TOM1L2: variants seen among roughly 807,000 people sequenced by gnomAD.
The protein encoded by TOM1L2 is TOM1-like protein 2.
TOM1L2 carries 31 observed loss-of-function variants against 67.9 expected under a neutral mutation model. The observed-to-expected ratio is 0.46, with a 90% CI of 0.34 to 0.62. TOM1L2 has a LOEUF of 0.62. TOM1L2 is among the 20% of genes least tolerant of loss of function. The probability of loss-of-function intolerance (pLI) is 0.01; values close to 1 mark genes in which losing one functional copy is unlikely to be tolerated. For synonymous variants in TOM1L2, 256 were observed against 254.0 expected (o/e 1.01, Z -0.07); for missense variants, 606 against 663.5 (o/e 0.91, Z 0.95).
At chr17:17,854,338 C>T (rs1454595352) in intron 12 of TOM1L2, among the ~76,000 whole-genome samples, 3 of 152,120 alleles carry the variant, frequency 2.0e-5, no homozygotes, top group African/African-American at 7.2e-5. Flanking sequence ...GCAGGGGGCA[C>T]TGCGCTGAGT....
At chr17:17,902,479 G>A (rs1326571329) in intron 2 of TOM1L2, among the ~76,000 whole-genome samples, 1 of 152,256 alleles carries the variant, frequency 6.6e-6, no homozygotes, top group Non-Finnish European at 1.5e-5. Flanking sequence ...GCCCTTCCAA[G>A]CTGTGCTGCA....
intron 1 of TOM1L2, among the ~76,000 whole-genome samples, chr17:17,913,929 G>T (rs536019480): frequency 6.6e-6 from 1 of 152,266 alleles, no homozygotes; most frequent in East Asian, 1.9e-4. Flanking sequence ...TCTTCTCCAT[G>T]AGAGTCTGTG....
At chr17:17,964,304 C>T (rs1396292622) in intron 1 of TOM1L2, among the ~76,000 whole-genome samples, 1 of 152,200 alleles carries the variant, frequency 6.6e-6, no homozygotes, top group Non-Finnish European at 1.5e-5. Context: ...AGGTCAAGAG[C>T]AACAACCCCT....
intron 1 of TOM1L2, among the ~76,000 whole-genome samples, chr17:17,943,047 C>T (rs1048464658): frequency 6.6e-6 from 1 of 152,086 alleles, no homozygotes; most frequent in African/African-American, 2.4e-5. Flanking sequence ...TTAGATGAAA[C>T]AAGATTGGAT....
chr17:17,884,854 G>A (rs1304447990), intron 4 of TOM1L2, 86 bp from the exon 5 acceptor site: 11 of 1,558,198 alleles, frequency 7.1e-6, no homozygotes, highest in Admixed American at 5.1e-5. Context: ...TCCTCTCCCC[G>A]AGACCAGTGC....
intron 1 of TOM1L2, among the ~76,000 whole-genome samples, chr17:17,958,561 C>G (rs1022520257): frequency 1.3e-5 from 2 of 152,172 alleles, no homozygotes; most frequent in African/African-American, 4.8e-5. Flanking sequence ...CTTACCCTCC[C>G]TGCCCATATA....
At chr17:17,929,882 A>T (rs1177764109) in intron 1 of TOM1L2, among the ~76,000 whole-genome samples, 1 of 152,184 alleles carries the variant, frequency 6.6e-6, no homozygotes, top group Admixed American at 6.5e-5. Context: ...CACTTAGACA[A>T]GTTAAACACA....
rs907763814 is a variant in TOM1L2 at position 17,965,624 on chromosome 17, GA to G, written c.52+6637del. 4.8e-4 allele frequency among the ~76,000 whole-genome samples: 73 copies of G among 152,176 alleles called. 2 individuals are homozygous for G. The highest frequency in any genetic ancestry group is 1.2e-4 in the Non-Finnish European group (8 of 68,026). On this transcript the variant is annotated intron_variant, in intron 1 of 14. Coordinates refer to ENST00000379504, the MANE Select transcript of TOM1L2 (RefSeq NM_001082968.2). ...CTCTGGAGCCAGAATGCTGCATTCA[GA>G]CTATAGCTCCCTCACTGCTAGCTGT...
chr17:17,915,762 TC>T (rs1463000289), intron 1 of TOM1L2, among the ~76,000 whole-genome samples: 3 of 151,948 alleles, frequency 2.0e-5, no homozygotes, highest in Non-Finnish European at 4.4e-5. Flanking sequence ...CCTCAAGTGA[TC>T]CTCTTGCCTT....
intron 1 of TOM1L2, among the ~76,000 whole-genome samples, chr17:17,918,723 C>T (rs2039733667): frequency 6.6e-6 from 1 of 152,190 alleles, no homozygotes; most frequent in Non-Finnish European, 1.5e-5. Flanking sequence ...GCTCCAGCAC[C>T]TGATAGTACA....
intron 1 of TOM1L2, among the ~76,000 whole-genome samples, chr17:17,915,009 C>CT (rs1381464664): frequency 6.6e-6 from 1 of 151,936 alleles, no homozygotes; most frequent in Non-Finnish European, 1.5e-5. Context: ...TAAAGTATAG[C>CT]TTTTGTTTGG....
intron 1 of TOM1L2, among the ~76,000 whole-genome samples, chr17:17,954,247 A>C (rs915924986): frequency 6.6e-6 from 1 of 152,110 alleles, no homozygotes; most frequent in Non-Finnish European, 1.5e-5. Context: ...CCTTGGTAAG[A>C]GAAAAGACGG....
chr17:17,873,610 C>T (rs766120755), intron 7 of TOM1L2, among the ~76,000 whole-genome samples: 10 of 152,194 alleles, frequency 6.6e-5, no homozygotes, highest in Admixed American at 1.3e-4. Flanking sequence ...CCAGCACCGG[C>T]GGCCTGATGG....
chr17:17,943,693 C>T (rs1465387601), intron 1 of TOM1L2, among the ~76,000 whole-genome samples: 4 of 152,160 alleles, frequency 2.6e-5, no homozygotes, highest in African/African-American at 9.7e-5. Flanking sequence ...CTGCACCAAA[C>T]AGAAAATCTG....
At chr17:17,971,084 G>A (rs116701289) in intron 1 of TOM1L2, among the ~76,000 whole-genome samples, 1 of 152,078 alleles carries the variant, frequency 6.6e-6, no homozygotes, top group African/African-American at 2.4e-5. Context: ...GGTGTCCCCA[G>A]GTGTCCACAT....
At chr17:17,958,046 T>C (rs4616340) in intron 1 of TOM1L2, among the ~76,000 whole-genome samples, 74,681 of 150,266 alleles carry the variant, frequency 0.5, 19,619 homozygotes, top group East Asian at 0.86. Context: ...GTCGAGATTG[T>C]GCCACTGCAC....
chr17:17,877,613 C>A (rs558316291), intron 7 of TOM1L2, among the ~76,000 whole-genome samples: 20 of 152,224 alleles, frequency 1.3e-4, no homozygotes, highest in African/African-American at 4.8e-4. Flanking sequence ...GTGCAGCCAA[C>A]CAGCCAGGAC....
intron 1 of TOM1L2, among the ~76,000 whole-genome samples, chr17:17,967,563 C>T (rs1478474501): frequency 1.3e-5 from 2 of 152,180 alleles, no homozygotes; most frequent in African/African-American, 2.4e-5. Flanking sequence ...CTCTTTCTTC[C>T]ACCACACTTC....
At chr17:17,941,035 C>T (rs2040713407) in intron 1 of TOM1L2, among the ~76,000 whole-genome samples, 1 of 152,162 alleles carries the variant, frequency 6.6e-6, no homozygotes, top group Non-Finnish European at 1.5e-5. Context: ...GGGGAAACTA[C>T]ACTTCTGAAG....
Sources: allele counts gnomAD v4.1 joint callset (sites outside exome capture counted in the v4.1 genomes callset), GRCh38; gene constraint gnomAD v4.1.1; transcripts MANE v1.5; gene names NCBI Gene and HGNC (gene_info 2026-07-23, HGNC 2026-07-21).